The following ZNF578 variants were observed in gnomAD, a reference collection of about 807,000 sequenced individuals.
The protein encoded by ZNF578 is Putative chemokine-related protein B42.
Under a neutral mutation model 8.3 loss-of-function variants are expected in ZNF578, and 8 were observed. The observed-to-expected ratio is 0.96, with a 90% CI of 0.56 to 1.74. ZNF578 has a LOEUF of 1.74. Among genes scored for constraint, ZNF578 ranks in the 40% most tolerant of loss-of-function variants. The pLI, the probability that ZNF578 is intolerant of heterozygous loss-of-function variation, is 0.00. For missense variants in ZNF578, 726 were observed against 707.5 expected (o/e 1.03, Z -0.30); for synonymous variants, 206 against 232.2 (o/e 0.89, Z 1.03).
intron 4 of ZNF578, among the ~76,000 whole-genome samples, chr19:52,503,480 G>A (rs1002702623): frequency 6.6e-6 from 1 of 152,116 alleles, no homozygotes. Context: ...GGAGTATCTG[G>A]GATTACAGGC....
In ZNF578 at chr19:52,511,744, T is replaced by TA. The variant is rs1304465598; in HGVS notation, c.1364dup (p.Tyr455Ter). 1.2e-6 allele frequency: 2 copies of TA among 1,613,366 alleles called. No homozygotes were observed. Among genetic ancestry groups the TA allele is most frequent in the Admixed American group, 1.7e-5 (1 of 59,972 alleles). ...HHRLHTGEKS[Y>*]KCEECDRVFS... Reference sequence around the variant, plus strand: ...TAGACTTCATACTGGAGAGAAATCTTACAAATGTGAAGAATGTGACAGAGT... The same window carrying TA: ...TAGACTTCATACTGGAGAGAAATCTTAACAAATGTGAAGAATGTGACAGAGT... Residue 455 changes from tyrosine to a stop codon, truncating the protein, a stop_gained and frameshift_variant, in exon 6 of 6, where the codon TAC (tyrosine) becomes TAAC (stop). Transcript: ENST00000421239. LOFTEE classifies it low-confidence loss of function (END_TRUNC).
In ZNF578 at chr19:52,471,246, A is replaced by C. The variant is rs528794161; in HGVS notation, c.-122+14288A>C. On this transcript the variant is annotated intron_variant, in intron 2 of 5. Coordinates refer to ENST00000421239, the MANE Select transcript of ZNF578 (RefSeq NM_001099694.2). ...TATAGCAATGTGAGAATGGACTAAT[A>C]CAAGGCTGTAATACTGTTGGCTTCC... Among the ~76,000 whole-genome samples the C allele has an allele frequency of 2.6e-5, 4 of 152,334 alleles. No homozygotes were observed. The South Asian group carries it at 8.3e-4, about 32-fold the overall frequency.
chr19:52,457,582 G>C (rs1302565682), intron 2 of ZNF578: 1 of 137,528 alleles, frequency 7.3e-6, no homozygotes, highest in Admixed American at 7.9e-5. Context: ...CAATCTTGGA[G>C]ACTGAGCCAT....
At position 52,516,842 on chromosome 19, in the gene ZNF578, C is replaced by T. The variant is rs1479469557; in HGVS notation, c.*4688C>T. ...GACTCTCTTTTCACACTCAGCCCGC[C>T]TGCACCCAGGTGAAATAAACAGCCT... On this transcript the variant is annotated 3_prime_UTR_variant, in exon 6 of 6. Transcript: ENST00000421239. 1.3e-5 allele frequency among the ~76,000 whole-genome samples: 2 copies of T among 152,210 alleles called. No individual in the cohort carries two copies. The highest frequency in any genetic ancestry group is 2.9e-5 in the Non-Finnish European group (2 of 68,044).
At chr19:52,483,481 T>C (rs1053872985) in intron 2 of ZNF578, among the ~76,000 whole-genome samples, 1 of 152,202 alleles carries the variant, frequency 6.6e-6, no homozygotes, top group Non-Finnish European at 1.5e-5. Flanking sequence ...TCAACACGCA[T>C]GACCAAATTC....
intron 3 of ZNF578, among the ~76,000 whole-genome samples, chr19:52,492,324 T>C (rs1187931616): frequency 6.6e-6 from 1 of 152,094 alleles, no homozygotes; most frequent in African/African-American, 2.4e-5. Flanking sequence ...TTCCGCCTCG[T>C]GCCCGCATCC....
chr19:52,472,706 A>G (rs2059295859), intron 2 of ZNF578, among the ~76,000 whole-genome samples: 1 of 152,358 alleles, frequency 6.6e-6, no homozygotes, highest in Non-Finnish European at 1.5e-5. Context: ...AAAAGGATAC[A>G]TTGAACACAA....
At chr19:52,505,457 C>T (rs966617035) in intron 5 of ZNF578, among the ~76,000 whole-genome samples, 3 of 152,124 alleles carry the variant, frequency 2.0e-5, no homozygotes, top group Admixed American at 6.6e-5. Flanking sequence ...CAGTCTCGCT[C>T]TTTCACCCAG....
rs2059473092 is a variant in ZNF578, at chr19:52,515,905, T to C, written c.*3751T>C. ...ACATCACAGCAAAATCTAAAGCAGG[T>C]CACGTCAATCCCTGGCAGGGAACCC... is the stretch of plus-strand genomic sequence containing the variant. On this transcript the variant is annotated 3_prime_UTR_variant, in exon 6 of 6. Coordinates refer to ENST00000421239, the MANE Select transcript of ZNF578 (RefSeq NM_001099694.2). Among the ~76,000 whole-genome samples the C allele has an allele frequency of 6.6e-6, 1 of 151,980 alleles. No individual in the cohort carries two copies. Among genetic ancestry groups the C allele is most frequent in the Admixed American group, 6.6e-5 (1 of 15,260 alleles).
intron 3 of ZNF578, among the ~76,000 whole-genome samples, chr19:52,498,330 T>G (rs1200221992): frequency 4.3e-4 from 9 of 20,904 alleles, no homozygotes; most frequent in South Asian, 1.7e-3. Context: ...CTAATGTGTG[T>G]TTTTTTTTTT....
intron 2 of ZNF578, among the ~76,000 whole-genome samples, chr19:52,488,362 G>C (rs2122869388): frequency 6.6e-6 from 1 of 152,004 alleles, no homozygotes; most frequent in South Asian, 2.1e-4. Context: ...AGACAAGCCT[G>C]GCCAACACAG....
intron 2 of ZNF578, among the ~76,000 whole-genome samples, chr19:52,468,714 C>T (rs2059282822): frequency 6.6e-6 from 1 of 152,156 alleles, no homozygotes; most frequent in African/African-American, 2.4e-5. Context: ...GAGTGGGCAC[C>T]ATCCGATTGG....
At chr19:52,504,625 T>C (rs2059418893) in intron 4 of ZNF578, 30 bp from the exon 5 acceptor site, 7 of 1,613,396 alleles carry the variant, frequency 4.3e-6, no homozygotes, top group Non-Finnish European at 5.9e-6. Context: ...TCCTCCATAA[T>C]GTTTTGTTGA....
chr19:52,476,845 A>G (rs948729393), intron 2 of ZNF578, among the ~76,000 whole-genome samples: 1 of 152,236 alleles, frequency 6.6e-6, no homozygotes, highest in African/African-American at 2.4e-5. Context: ...TCCTGTGTCC[A>G]TTAGCCCATA....
intron 2 of ZNF578, among the ~76,000 whole-genome samples, chr19:52,480,853 G>A (rs967628979): frequency 2.0e-5 from 3 of 150,790 alleles, no homozygotes; most frequent in Admixed American, 6.6e-5. Flanking sequence ...CCGTGATCAC[G>A]CCACCGCACC....
chr19:52,511,762 GAC>G lies in ZNF578; in HGVS notation c.1383_1384del (p.Asp461GlufsTer10). 6.2e-7 allele frequency: 1 copy of G among 1,613,392 alleles called. No homozygotes were observed. The highest frequency in any genetic ancestry group is 8.5e-7 in the Non-Finnish European group (1 of 1,179,848). On this transcript the variant is annotated frameshift_variant, in exon 6 of 6. Transcript: ENST00000421239. LOFTEE classifies it low-confidence loss of function (END_TRUNC). ...GEKSYKCEEC[D>X]RVFSQKSNLE... ...GAAATCTTACAAATGTGAAGAATGT[GAC>G]AGAGTTTTCAGTCAGAAATCAAACC...
intron 2 of ZNF578, among the ~76,000 whole-genome samples, chr19:52,463,395 G>C (rs2059264745): frequency 6.6e-6 from 1 of 152,184 alleles, no homozygotes; most frequent in Non-Finnish European, 1.5e-5. Flanking sequence ...GATCTTGTCA[G>C]GTGCCAACCT....
In ZNF578 at chr19:52,511,008, G is replaced by T; in HGVS notation, c.627G>T (p.Gly209=). ...AAACACATACTCCTAATAACTATGGGAATAATTTTTTCCATTCATCATTAC... is the reference window on the plus strand; with the variant it reads ...AAACACATACTCCTAATAACTATGGTAATAATTTTTTCCATTCATCATTAC... The part of the protein sequence containing the change: ...RPETHTPNNY[G]NNFFHSSLLT... The change falls in exon 6 of 6, where the codon GGG becomes GGT. Residue 209 remains glycine (G), a synonymous_variant. Coordinates refer to ENST00000421239, the MANE Select transcript of ZNF578 (RefSeq NM_001099694.2). The T allele has an allele frequency of 6.2e-7, 1 of 1,614,092 alleles. No individual in the cohort carries two copies. Among genetic ancestry groups the T allele is most frequent in the Non-Finnish European group, 8.5e-7 (1 of 1,180,004 alleles).
At chr19:52,484,337 T>C (rs983796646) in intron 2 of ZNF578, among the ~76,000 whole-genome samples, 1 of 152,202 alleles carries the variant, frequency 6.6e-6, no homozygotes, top group Non-Finnish European at 1.5e-5. Flanking sequence ...GCCTTCCTCT[T>C]ATCTCAACTG....
Sources: allele counts gnomAD v4.1 joint callset (sites outside exome capture counted in the v4.1 genomes callset), GRCh38; gene constraint gnomAD v4.1.1; transcripts MANE v1.5; gene names NCBI Gene and HGNC (gene_info 2026-07-23, HGNC 2026-07-21).